Variants in SLC38A12 observed in about 807,000 individuals in gnomAD.
The protein encoded by SLC38A12 is putative sodium-coupled neutral amino acid transporter 12.
At chr17:74,834,083 T>C in the SLC38A12 span, among the ~76,000 whole-genome samples, 1 of 151,978 alleles carries the variant, frequency 6.6e-6, no homozygotes, top group South Asian at 2.1e-4. Flanking sequence ...TCCTGTGGGG[T>C]GGATCTCTCA....
the SLC38A12 span, among the ~76,000 whole-genome samples, chr17:74,810,887 G>T: frequency 6.6e-6 from 1 of 152,224 alleles, no homozygotes; most frequent in Non-Finnish European, 1.5e-5. Flanking sequence ...TGCCGGCATG[G>T]TTTCTGACAC....
the SLC38A12 span, among the ~76,000 whole-genome samples, chr17:74,790,693 G>A: frequency 2.7e-5 from 4 of 150,570 alleles, no homozygotes; most frequent in African/African-American, 7.4e-5. Context: ...CTGCCTTGCT[G>A]TCTCCTCCCT....
the SLC38A12 span, among the ~76,000 whole-genome samples, chr17:74,799,907 A>G: frequency 3.9e-5 from 6 of 152,246 alleles, no homozygotes; most frequent in Non-Finnish European, 8.8e-5. Flanking sequence ...TGGCAGTGCC[A>G]TGCGTGCTGT....
chr17:74,826,082 T>A, the SLC38A12 span, among the ~76,000 whole-genome samples: 1 of 152,172 alleles, frequency 6.6e-6, no homozygotes. Context: ...AGGAAGGAGA[T>A]TAGTCAGCCA....
the SLC38A12 span, among the ~76,000 whole-genome samples, chr17:74,790,518 A>G: frequency 1.3e-5 from 2 of 152,094 alleles, 1 homozygote; most frequent in Non-Finnish European, 2.9e-5. Context: ...GCAGCTTGGT[A>G]AGTTCCTTGA....
At chr17:74,802,495 T>G in the SLC38A12 span, among the ~76,000 whole-genome samples, 1 of 152,206 alleles carries the variant, frequency 6.6e-6, no homozygotes, top group African/African-American at 2.4e-5. Context: ...TTCTTGCTTC[T>G]AAGCTGGTGA....
the SLC38A12 span, among the ~76,000 whole-genome samples, chr17:74,809,416 C>T: frequency 1.3e-5 from 2 of 152,258 alleles, no homozygotes; most frequent in South Asian, 2.1e-4. Context: ...CCTCAGGAGT[C>T]GTGAGCGGTG....
At chr17:74,821,982 G>A in the SLC38A12 span, among the ~76,000 whole-genome samples, 2 of 152,340 alleles carry the variant, frequency 1.3e-5, no homozygotes, top group African/African-American at 4.8e-5. Flanking sequence ...TGCTTTAGCC[G>A]GCATGGGGAT....
At chr17:74,793,675 C>T in the SLC38A12 span, among the ~76,000 whole-genome samples, 4 of 152,106 alleles carry the variant, frequency 2.6e-5, no homozygotes, top group Non-Finnish European at 5.9e-5. Flanking sequence ...GGGGACAATG[C>T]GTCCCCTCAG....
the SLC38A12 span, among the ~76,000 whole-genome samples, chr17:74,779,875 T>C: frequency 1.3e-5 from 2 of 152,224 alleles, no homozygotes; most frequent in African/African-American, 4.8e-5. Flanking sequence ...GCCTAAAATA[T>C]TTGTAACAAG....
chr17:74,802,556 A>T, the SLC38A12 span, among the ~76,000 whole-genome samples: 1 of 152,320 alleles, frequency 6.6e-6, no homozygotes, highest in Middle Eastern at 3.4e-3. Context: ...TGGCCCTGGT[A>T]GAATGTGCAG....
At chr17:74,779,464 A>G in the SLC38A12 span, among the ~76,000 whole-genome samples, 1 of 152,170 alleles carries the variant, frequency 6.6e-6, no homozygotes, top group Admixed American at 6.5e-5. Context: ...GGAGGGGATG[A>G]TGTGACATCA....
chr17:74,790,207 A>C, the SLC38A12 span: 1 of 1,613,640 alleles, frequency 6.2e-7, no homozygotes, highest in Middle Eastern at 1.6e-4. Flanking sequence ...CAGGAGGAGG[A>C]AGATGACGAC....
the SLC38A12 span, among the ~76,000 whole-genome samples, chr17:74,813,039 A>G: frequency 2.0e-5 from 3 of 152,204 alleles, no homozygotes; most frequent in Admixed American, 1.3e-4. Flanking sequence ...AGAACTGCCC[A>G]CATAGTAACC....
chr17:74,820,937 T>C, the SLC38A12 span, among the ~76,000 whole-genome samples: 3 of 152,292 alleles, frequency 2.0e-5, no homozygotes, highest in African/African-American at 7.2e-5. Context: ...GTCTCAGGAT[T>C]ATGAGATGTC....
At chr17:74,820,418 C>T in the SLC38A12 span, among the ~76,000 whole-genome samples, 4 of 152,232 alleles carry the variant, frequency 2.6e-5, no homozygotes, top group Non-Finnish European at 2.9e-5. Context: ...TCCTCAGCTG[C>T]GGTCTGGGCG....
the SLC38A12 span, among the ~76,000 whole-genome samples, chr17:74,779,434 G>C: frequency 1.3e-5 from 2 of 152,112 alleles, no homozygotes; most frequent in Non-Finnish European, 2.9e-5. Flanking sequence ...GAGATGTAGG[G>C]AGGAGATGGG....
chr17:74,791,600 C>A, the SLC38A12 span, among the ~76,000 whole-genome samples: 305 of 152,398 alleles, frequency 2.0e-3, no homozygotes, highest in African/African-American at 6.9e-3. Flanking sequence ...ATAACACCTT[C>A]TGACAGCGCT....
the SLC38A12 span, among the ~76,000 whole-genome samples, chr17:74,811,174 A>G: frequency 6.6e-6 from 1 of 152,148 alleles, no homozygotes; most frequent in African/African-American, 2.4e-5. Context: ...TACAAAAAAT[A>G]CAAAAATTAG....
Sources: allele counts gnomAD v4.1 joint callset (sites outside exome capture counted in the v4.1 genomes callset), GRCh38; gene constraint gnomAD v4.1.1; transcripts MANE v1.5; gene names NCBI Gene and HGNC (gene_info 2026-07-23, HGNC 2026-07-21).